The following CADM2 variants were observed in gnomAD, a reference collection of about 807,000 sequenced individuals.
CADM2 encodes cell adhesion molecule 2.
In CADM2, 12 loss-of-function variants were observed where a neutral mutation model predicts 49.8. That is an observed-to-expected ratio of 0.24 (90% CI 0.15 to 0.39). CADM2 has a LOEUF of 0.39. CADM2 is among the 10% of genes least tolerant of loss of function. The pLI, the probability that CADM2 is intolerant of heterozygous loss-of-function variation, is 1.00. For synonymous variants in CADM2, 214 were observed against 175.4 expected, an observed-to-expected ratio of 1.22 and a Z score of -1.74; for missense variants, 378 against 492.3, an observed-to-expected ratio of 0.77 and a Z score of 2.20.
At chr3:86,042,383 A>T (rs1736062757) in intron 8 of CADM2, among the ~76,000 whole-genome samples, 1 of 152,228 alleles carries the variant, frequency 6.6e-6, no homozygotes, top group Non-Finnish European at 1.5e-5. Flanking sequence ...GCAATAAAAA[A>T]TGATAAAGGG....
At chr3:85,651,822 CTT>C (rs201326377) in intron 1 of CADM2, among the ~76,000 whole-genome samples, 5 of 140,452 alleles carry the variant, frequency 3.6e-5, no homozygotes. Context: ...TTGTTTTTTT[CTT>C]TTTTTTTTTT....
At chr3:86,030,965 A>C (rs1734494344) in intron 8 of CADM2, among the ~76,000 whole-genome samples, 1 of 151,862 alleles carries the variant, frequency 6.6e-6, no homozygotes, top group African/African-American at 2.4e-5. Flanking sequence ...ATTCTGATTA[A>C]AATTTAGAAA....
intron 1 of CADM2, among the ~76,000 whole-genome samples, chr3:85,637,714 A>G (rs2064557816): frequency 6.6e-6 from 1 of 152,008 alleles, no homozygotes. Flanking sequence ...AAAAATGACA[A>G]TAACTTAGCC....
At chr3:85,159,718 T>G (rs1028783555) in intron 1 of CADM2, among the ~76,000 whole-genome samples, 3 of 152,180 alleles carry the variant, frequency 2.0e-5, no homozygotes, top group African/African-American at 7.2e-5. Flanking sequence ...TATTTTTGCT[T>G]CTTTTACTCC....
chr3:85,683,755 G>A (rs1296222589), intron 1 of CADM2, among the ~76,000 whole-genome samples: 1 of 152,068 alleles, frequency 6.6e-6, no homozygotes, highest in Non-Finnish European at 1.5e-5. Flanking sequence ...GCTATCCTCA[G>A]GTACATAGAA....
chr3:85,587,698 G>T (rs2062983895), intron 1 of CADM2, among the ~76,000 whole-genome samples: 1 of 151,790 alleles, frequency 6.6e-6, no homozygotes, highest in African/African-American at 2.4e-5. Flanking sequence ...TTCCATAATG[G>T]CAACAAGAAA....
At chr3:85,670,927 T>G (rs2065716753) in intron 1 of CADM2, among the ~76,000 whole-genome samples, 1 of 152,156 alleles carries the variant, frequency 6.6e-6, no homozygotes, top group South Asian at 2.1e-4. Flanking sequence ...CGACCATAGA[T>G]TGATCACCTC....
At chr3:85,934,367 TG>T (rs1317831911) in intron 6 of CADM2, among the ~76,000 whole-genome samples, 1 of 152,088 alleles carries the variant, frequency 6.6e-6, no homozygotes, top group African/African-American at 2.4e-5. Flanking sequence ...ATTCCATAGA[TG>T]TGCTGATAAT....
rs1229753392 is a variant in CADM2, at chr3:85,887,593, G to C, written c.529+1266G>C. Among the ~76,000 whole-genome samples the C allele has an allele frequency of 2.0e-5, 3 of 152,044 alleles. No individual in the cohort carries two copies. The East Asian group carries it at 5.8e-4, about 29-fold the overall frequency. ...AGGTCCTTATCCATAATTTTACCCTGATCACTACGCTTGCCTTAGTATTTC... is the reference window on the plus strand; with the variant it reads ...AGGTCCTTATCCATAATTTTACCCTCATCACTACGCTTGCCTTAGTATTTC... On this transcript the variant is annotated intron_variant, in intron 5 of 9. Transcript: ENST00000383699.
At chr3:85,572,062 C>T (rs1006205191) in intron 1 of CADM2, among the ~76,000 whole-genome samples, 4 of 152,008 alleles carry the variant, frequency 2.6e-5, no homozygotes, top group African/African-American at 4.8e-5. Context: ...TTTAGGAGGC[C>T]GAGGCCGGTG....
intron 1 of CADM2, among the ~76,000 whole-genome samples, chr3:85,110,861 A>G (rs1046046802): frequency 2.0e-5 from 3 of 151,858 alleles, no homozygotes; most frequent in African/African-American, 7.2e-5. Flanking sequence ...ATAGTTTTCC[A>G]AACAATCCAC....
rs762638954 is a variant in CADM2 at position 85,330,598 on chromosome 3, A to T, written c.61+370930A>T. Among the ~76,000 whole-genome samples, 38 of 152,098 alleles carry T rather than the reference A, an allele frequency of 2.5e-4. 2 individuals carry two copies. Among genetic ancestry groups the T allele is most frequent in the African/African-American group, 2.4e-5 (1 of 41,416 alleles). On this transcript the variant is annotated intron_variant, in intron 1 of 9. Transcript: ENST00000383699. ...GACAGAAAATAGAAAAATTTATCTG[A>T]ATTTTTCATAGGCAATGTCTTTATA...
intron 1 of CADM2, among the ~76,000 whole-genome samples, chr3:85,420,761 G>T (rs1576521880): frequency 6.6e-6 from 1 of 152,172 alleles, no homozygotes; most frequent in South Asian, 2.1e-4. Flanking sequence ...TTAAAGATAC[G>T]GTTAAATATA....
intron 2 of CADM2, among the ~76,000 whole-genome samples, chr3:85,773,436 T>G (rs1230336473): frequency 2.0e-5 from 3 of 152,078 alleles, no homozygotes; most frequent in Non-Finnish European, 4.4e-5. Context: ...TCTTAGTCCA[T>G]TTAACCCTGT....
chr3:85,146,013 T>G (rs1159726748), intron 1 of CADM2, among the ~76,000 whole-genome samples: 1 of 152,172 alleles, frequency 6.6e-6, no homozygotes, highest in Admixed American at 6.5e-5. Context: ...AAATTCCAGC[T>G]TTGTTACTTA....
intron 1 of CADM2, among the ~76,000 whole-genome samples, chr3:85,022,003 A>G (rs1461098282): frequency 6.6e-6 from 1 of 152,188 alleles, no homozygotes; most frequent in African/African-American, 2.4e-5. Flanking sequence ...TAGCATGCAT[A>G]TAATTCTTCT....
At chr3:85,423,049 T>A (rs2036246476) in intron 1 of CADM2, among the ~76,000 whole-genome samples, 1 of 151,998 alleles carries the variant, frequency 6.6e-6, no homozygotes, top group South Asian at 2.1e-4. Flanking sequence ...TATTGAGAGA[T>A]GGAGGTGGCT....
intron 6 of CADM2, among the ~76,000 whole-genome samples, chr3:85,926,799 A>G (rs531630466): frequency 1.9e-4 from 29 of 152,342 alleles, no homozygotes; most frequent in Non-Finnish European, 3.2e-4. Context: ...ATGAGAGTGT[A>G]CACAATATGC....
intron 1 of CADM2, among the ~76,000 whole-genome samples, chr3:85,200,195 A>G (rs1257685038): frequency 6.6e-6 from 1 of 152,066 alleles, no homozygotes; most frequent in Non-Finnish European, 1.5e-5. Flanking sequence ...AGACGTTAAT[A>G]TGACCTTCCT....
Sources: gnomAD v4.1 joint callset for allele counts (sites outside exome capture counted in the v4.1 genomes callset) on GRCh38, gnomAD v4.1.1 for gene constraint, MANE v1.5 for transcripts, NCBI Gene and HGNC (gene_info 2026-07-23, HGNC 2026-07-21) for gene names.